Variants in GADL1 observed in about 807,000 individuals in gnomAD.
GADL1 encodes acidic amino acid decarboxylase GADL1.
Under a neutral mutation model 69.5 loss-of-function variants are expected in GADL1, and 71 were observed. The observed-to-expected ratio is 1.02, with a 90% CI of 0.84 to 1.25. The LOEUF is 1.25. Among genes scored for constraint, GADL1 ranks in the 50% most tolerant of loss-of-function variants. The probability of loss-of-function intolerance (pLI) is 0.00; values close to 1 mark genes in which losing one functional copy is unlikely to be tolerated. For synonymous variants in GADL1, 254 were observed against 214.4 expected (o/e 1.18, Z -1.62); for missense variants, 737 against 631.8 (o/e 1.17, Z -1.79).
chr3:30,742,499 T>A (rs980591357), intron 14 of GADL1, among the ~76,000 whole-genome samples: 2 of 152,124 alleles, frequency 1.3e-5, no homozygotes, highest in African/African-American at 4.8e-5. Flanking sequence ...AGTACATTTC[T>A]AAAAGTATTT....
At chr3:30,755,924 T>C (rs773867474) in intron 14 of GADL1, among the ~76,000 whole-genome samples, 9 of 152,168 alleles carry the variant, frequency 5.9e-5, no homozygotes, top group Non-Finnish European at 1.3e-4. Flanking sequence ...GCCACTGCTA[T>C]GGTCCCTGGT....
At chr3:30,802,678 ATAC>A (rs1242775250) in intron 11 of GADL1, among the ~76,000 whole-genome samples, 3 of 152,242 alleles carry the variant, frequency 2.0e-5, no homozygotes, top group African/African-American at 7.2e-5. Flanking sequence ...TCTTGTGTAG[ATAC>A]TACTCTGGAT....
chr3:30,857,425 T>C (rs1698246041), intron 2 of GADL1, among the ~76,000 whole-genome samples: 1 of 151,964 alleles, frequency 6.6e-6, no homozygotes, highest in South Asian at 2.1e-4. Flanking sequence ...AGGGAGGTTC[T>C]AGATGGAAGT....
intron 12 of GADL1, among the ~76,000 whole-genome samples, chr3:30,786,780 T>TTTTTG (rs983970971): frequency 6.6e-6 from 1 of 152,116 alleles, no homozygotes; most frequent in Non-Finnish European, 1.5e-5. Flanking sequence ...AGGAAAGAGT[T>TTTTTG]TTTTGTTTTG....
In GADL1 at chr3:30,746,180, G is replaced by A. The variant is rs532814476; in HGVS notation, c.1393-17765C>T. Among the ~76,000 whole-genome samples the A allele has an allele frequency of 1.7e-4, 26 of 152,088 alleles. No individual in the cohort carries two copies. The East Asian group carries it at 3.9e-3, about 23-fold the overall frequency. On this transcript the variant is annotated intron_variant, in intron 14 of 14. Transcript: ENST00000282538. ...ATTTTTGTAGTTTTAGTAGAGACAGGGTTTCACCATGTTCACCAGGCTGGT... is the reference window on the plus strand; with the variant it reads ...ATTTTTGTAGTTTTAGTAGAGACAGAGTTTCACCATGTTCACCAGGCTGGT...
chr3:30,760,342 T>A (rs1233797675), intron 14 of GADL1, among the ~76,000 whole-genome samples: 1 of 152,142 alleles, frequency 6.6e-6, no homozygotes, highest in Non-Finnish European at 1.5e-5. Context: ...AATTTTTGCT[T>A]CTCTTCATTA....
chr3:30,824,447 G>A (rs1357853824), intron 11 of GADL1, among the ~76,000 whole-genome samples: 2 of 151,650 alleles, frequency 1.3e-5, no homozygotes, highest in Non-Finnish European at 2.9e-5. Context: ...CAAGAGGAAG[G>A]AAAATTATTC....
intron 14 of GADL1, among the ~76,000 whole-genome samples, chr3:30,731,134 G>A (rs6809072): frequency 7.9e-5 from 12 of 152,162 alleles, no homozygotes; most frequent in Non-Finnish European, 1.3e-4. Flanking sequence ...CAAATGTCTA[G>A]CTAGAAGGGC....
chr3:30,730,208 A>C (rs1695435258), intron 14 of GADL1, among the ~76,000 whole-genome samples: 1 of 152,170 alleles, frequency 6.6e-6, no homozygotes, highest in Admixed American at 6.6e-5. Context: ...CAAACCCATG[A>C]ATTTGTATGC....
chr3:30,761,871 A>T (rs1014636236), intron 14 of GADL1, among the ~76,000 whole-genome samples: 2 of 152,298 alleles, frequency 1.3e-5, no homozygotes, highest in Admixed American at 6.5e-5. Context: ...GCACAACACA[A>T]ATGCTGCATT....
chr3:30,876,116 C>G (rs1479050905), intron 1 of GADL1, among the ~76,000 whole-genome samples: 1 of 151,948 alleles, frequency 6.6e-6, no homozygotes, highest in Non-Finnish European at 1.5e-5. Context: ...CTATAATGTT[C>G]TATACATATA....
chr3:30,767,963 C>T (rs1395581923), intron 14 of GADL1, among the ~76,000 whole-genome samples: 1 of 149,638 alleles, frequency 6.7e-6, no homozygotes, highest in African/African-American at 2.6e-5. Context: ...ATTGTTCAGC[C>T]TACCAACAAT....
At position 30,882,034 on chromosome 3, in the gene GADL1, A is replaced by C. The variant is rs934023200; in HGVS notation, c.37+12544T>G. On this transcript the variant is annotated intron_variant, in intron 1 of 14. Coordinates refer to ENST00000282538, the MANE Select transcript of GADL1 (RefSeq NM_207359.3). ...TAAAATTGTTTATTATAAATTACCC[A>C]TTCTGTGGTATTCTGTTATAGCAGC... 7.2e-5 allele frequency among the ~76,000 whole-genome samples: 11 copies of C among 152,024 alleles called. No homozygotes were observed. In the East Asian group the frequency reaches 7.8e-4, roughly 11 times the overall value.
intron 11 of GADL1, among the ~76,000 whole-genome samples, chr3:30,820,304 T>A (rs989035954): frequency 6.6e-6 from 1 of 152,012 alleles, no homozygotes; most frequent in African/African-American, 2.4e-5. Flanking sequence ...TAGGGCAACT[T>A]CAATAAAATC....
chr3:30,883,685 C>T (rs886158512), intron 1 of GADL1, among the ~76,000 whole-genome samples: 2 of 151,842 alleles, frequency 1.3e-5, no homozygotes, highest in African/African-American at 2.4e-5. Flanking sequence ...AAAAATAATG[C>T]CATTTGGGTT....
At chr3:30,856,906 G>T (rs759511197) in intron 3 of GADL1, 109 bp downstream of exon 3, 10 of 859,092 alleles carry the variant, frequency 1.2e-5, no homozygotes, top group South Asian at 2.0e-5. Context: ...CTAATTTTTT[G>T]ATCCAGATTT....
intron 11 of GADL1, among the ~76,000 whole-genome samples, chr3:30,805,619 G>C (rs1036489665): frequency 6.6e-6 from 1 of 151,522 alleles, no homozygotes. Flanking sequence ...TCCTGACCAA[G>C]ATTAGCCAAG....
At chr3:30,766,719 G>A (rs1329568950) in intron 14 of GADL1, among the ~76,000 whole-genome samples, 2 of 152,134 alleles carry the variant, frequency 1.3e-5, no homozygotes, top group African/African-American at 4.8e-5. Flanking sequence ...AAAGACAGGA[G>A]AGAGCAGGTG....
chr3:30,846,607 G>A (rs1698062541), intron 6 of GADL1, among the ~76,000 whole-genome samples: 1 of 152,140 alleles, frequency 6.6e-6, no homozygotes, highest in South Asian at 2.1e-4. Flanking sequence ...TGATTCTCAA[G>A]TTAGCTGGTA....
Sources: gnomAD v4.1 joint callset for allele counts (sites outside exome capture counted in the v4.1 genomes callset) on GRCh38, gnomAD v4.1.1 for gene constraint, MANE v1.5 for transcripts, NCBI Gene and HGNC (gene_info 2026-07-23, HGNC 2026-07-21) for gene names.